The following NME7 variants were observed in gnomAD, a reference collection of about 807,000 sequenced individuals.
NME7 encodes the protein NME/NM23 family member 7.
NME7 carries 41 observed loss-of-function variants against 49.1 expected under a neutral mutation model. The observed-to-expected ratio is 0.83, with a 90% CI of 0.65 to 1.08. NME7 has a LOEUF of 1.08. Ranked by LOEUF, NME7 falls within the 50% of genes least tolerant of loss-of-function variation. The probability of loss-of-function intolerance (pLI) is 0.00; values close to 1 mark genes in which losing one functional copy is unlikely to be tolerated. For missense variants in NME7, 423 were observed against 463.4 expected (o/e 0.91, Z 0.80); for synonymous variants, 139 against 150.6 (o/e 0.92, Z 0.56).
chr1:169,231,527 A>C (rs1295374832), intron 9 of NME7, among the ~76,000 whole-genome samples: 5 of 152,298 alleles, frequency 3.3e-5, no homozygotes, highest in Middle Eastern at 3.4e-3. Flanking sequence ...GGGAGTATGC[A>C]GAAAATAAGC....
intron 2 of NME7, among the ~76,000 whole-genome samples, chr1:169,323,941 C>A (rs112525548): frequency 6.6e-6 from 1 of 150,558 alleles, no homozygotes; most frequent in African/African-American, 2.4e-5. Flanking sequence ...GCCACCTCCA[C>A]CTCCTGAGTT....
intron 10 of NME7, among the ~76,000 whole-genome samples, chr1:169,201,048 T>C (rs116032601): frequency 0.013 from 2,000 of 152,030 alleles, 25 homozygotes; most frequent in Non-Finnish European, 0.02. Flanking sequence ...CTGGGCAACA[T>C]AGAGAGACCC....
In NME7 at chr1:169,309,967, T is replaced by G; in HGVS notation, c.389+3A>C. 1 of 1,494,430 alleles carries G rather than the reference T, an allele frequency of 6.7e-7. No homozygotes were observed. Among genetic ancestry groups the G allele is most frequent in the Non-Finnish European group, 9.2e-7 (1 of 1,086,782 alleles). The allele number at this position is 1,494,430 out of a possible 1,614,324, so 92.6% of individuals were successfully genotyped here. On this transcript the variant is annotated splice_donor_region_variant and intron_variant, in intron 4 of 11. Coordinates refer to ENST00000367811, the MANE Select transcript of NME7 (RefSeq NM_013330.5). ...ACATAACTGAAAATGATAAAAAAAT[T>G]ACCTTGAAAGCATCATCATTTTGAG...
At chr1:169,174,649 T>C (rs1178710208) in intron 10 of NME7, among the ~76,000 whole-genome samples, 2 of 152,226 alleles carry the variant, frequency 1.3e-5, no homozygotes, top group African/African-American at 4.8e-5. Context: ...TATAAACTTG[T>C]ATAGCATGTT....
At chr1:169,270,497 T>C (rs1381234383) in intron 7 of NME7, among the ~76,000 whole-genome samples, 1 of 134,224 alleles carries the variant, frequency 7.5e-6, no homozygotes, top group East Asian at 2.0e-4. Context: ...CCTTTAACAA[T>C]GACTACATTT....
intron 7 of NME7, among the ~76,000 whole-genome samples, chr1:169,248,142 T>A (rs1202164160): frequency 6.6e-6 from 1 of 152,154 alleles, no homozygotes; most frequent in Non-Finnish European, 1.5e-5. Flanking sequence ...TATGCCAACA[T>A]CTATTATTTT....
chr1:169,215,877 T>C (rs1438283420), intron 10 of NME7, among the ~76,000 whole-genome samples: 1 of 152,198 alleles, frequency 6.6e-6, no homozygotes, highest in Non-Finnish European at 1.5e-5. Context: ...TGATCTCACC[T>C]ATGTGTGCAA....
At chr1:169,317,740 A>G (rs2101930126) in intron 3 of NME7, among the ~76,000 whole-genome samples, 1 of 152,300 alleles carries the variant, frequency 6.6e-6, no homozygotes, top group Admixed American at 6.5e-5. Context: ...CTACTAGAGC[A>G]TGGCAGCCAA....
At chr1:169,146,537 G>A (rs1658761035) in intron 11 of NME7, among the ~76,000 whole-genome samples, 1 of 152,040 alleles carries the variant, frequency 6.6e-6, no homozygotes, top group Middle Eastern at 3.2e-3. Context: ...CTCTTCCCAG[G>A]GGTTAAATCA....
At chr1:169,299,012 GTTGAA>G (rs1163887698) in intron 5 of NME7, among the ~76,000 whole-genome samples, 1 of 152,078 alleles carries the variant, frequency 6.6e-6, no homozygotes, top group Non-Finnish European at 1.5e-5. Flanking sequence ...TCACTGTTCT[GTTGAA>G]TTAAGACTAT....
intron 10 of NME7, among the ~76,000 whole-genome samples, chr1:169,207,352 T>C (rs1080266): frequency 0.47 from 70,945 of 151,868 alleles, 17,478 homozygotes; most frequent in East Asian, 0.81. Flanking sequence ...CTACCTCCAA[T>C]GCTGAGAATC....
At chr1:169,284,991 A>C (rs1483015387) in intron 7 of NME7, 2 of 152,176 alleles carry the variant, frequency 1.3e-5, no homozygotes, top group African/African-American at 4.8e-5. Context: ...GCCTATAAAC[A>C]AGAACTTTTT....
intron 7 of NME7, among the ~76,000 whole-genome samples, chr1:169,244,059 A>T (rs561390267): frequency 1.3e-5 from 2 of 152,108 alleles, no homozygotes; most frequent in Admixed American, 1.3e-4. Flanking sequence ...AAATATACAT[A>T]TGTGTATATA....
intron 5 of NME7, among the ~76,000 whole-genome samples, chr1:169,299,907 C>T (rs867610176): frequency 6.6e-6 from 1 of 152,002 alleles, no homozygotes; most frequent in Non-Finnish European, 1.5e-5. Flanking sequence ...CATGTTTATT[C>T]ACTCAATAAG....
chr1:169,366,392 T>C (rs1653852933), intron 1 of NME7, among the ~76,000 whole-genome samples: 1 of 152,184 alleles, frequency 6.6e-6, no homozygotes, highest in Admixed American at 6.5e-5. Flanking sequence ...ATAATATCCT[T>C]TCAAGAAGTT....
Position 169,219,595 on chromosome 1 carries a change from T to C in NME7, c.990+11123A>G, listed in dbSNP as rs532262656. 2.9e-3 allele frequency among the ~76,000 whole-genome samples: 438 copies of C among 152,298 alleles called. 1 individual carries two copies. The highest frequency in any genetic ancestry group is 5.1e-3 in the Non-Finnish European group (344 of 68,018). On this transcript the variant is annotated intron_variant, in intron 10 of 11. Coordinates refer to ENST00000367811, the MANE Select transcript of NME7 (RefSeq NM_013330.5). The stretch of plus-strand genomic sequence containing the variant: ...AATTATTATGACTTGAGATAGGATC[T>C]CACTGTGTTGCCCAGGCTAGTCTCG...
intron 10 of NME7, among the ~76,000 whole-genome samples, chr1:169,193,532 T>C (rs191083185): frequency 6.6e-6 from 1 of 152,278 alleles, no homozygotes; most frequent in East Asian, 1.9e-4. Flanking sequence ...TTTAAAAATA[T>C]TTTCCTTCCA....
intron 10 of NME7, among the ~76,000 whole-genome samples, chr1:169,199,554 A>T (rs1660488541): frequency 6.6e-6 from 1 of 151,100 alleles, no homozygotes; most frequent in African/African-American, 2.4e-5. Context: ...CCTGGGCTCA[A>T]GTGATCCTCC....
Position 169,278,450 on chromosome 1 carries a change from C to T in NME7, c.754+8853G>A, listed in dbSNP as rs1016324140. Among the ~76,000 whole-genome samples the T allele has an allele frequency of 3.9e-5, 6 of 152,286 alleles. No individual in the cohort carries two copies. The East Asian group carries it at 9.7e-4, about 25-fold the overall frequency. On this transcript the variant is annotated intron_variant, in intron 7 of 11. Transcript: ENST00000367811. ...ATTTCATTCATTTCATCTTCCATCA[C>T]TGAAACCCTTTCTTCCAGTTGATCG...
Sources: gnomAD v4.1 joint callset for allele counts (sites outside exome capture counted in the v4.1 genomes callset) on GRCh38, gnomAD v4.1.1 for gene constraint, MANE v1.5 for transcripts, NCBI Gene and HGNC (gene_info 2026-07-23, HGNC 2026-07-21) for gene names.